DNER: variants seen among roughly 807,000 people sequenced by gnomAD.
DNER encodes delta/notch like EGF repeat containing.
A neutral mutation model predicts 78.2 loss-of-function variants in DNER; 33 were observed. The ratio of observed to expected loss-of-function variants is 0.42; its 90% CI spans 0.32 to 0.56. The LOEUF (loss-of-function observed/expected upper bound fraction) is 0.56, where lower values mean the gene tolerates loss of function less well. Ranked by LOEUF, DNER falls within the 20% of genes least tolerant of loss-of-function variation. DNER has a pLI of 0.11. For missense variants in DNER, 918 were observed against 975.3 expected, an observed-to-expected ratio of 0.94 and a Z score of 0.78; for synonymous variants, 417 against 384.8, an observed-to-expected ratio of 1.08 and a Z score of -0.98.
chr2:229,684,118 G>T (rs1699435195), intron 1 of DNER, among the ~76,000 whole-genome samples: 1 of 117,636 alleles, frequency 8.5e-6, no homozygotes, highest in African/African-American at 3.5e-5. Flanking sequence ...GTGTGTGTGT[G>T]TGTGTTTGTG....
chr2:229,515,018 A>AT (rs200416571), intron 5 of DNER, among the ~76,000 whole-genome samples: 13 of 152,262 alleles, frequency 8.5e-5, no homozygotes, highest in African/African-American at 1.7e-4. Flanking sequence ...AACAATTATA[A>AT]TTTTTTTTAA....
At chr2:229,630,386 G>C (rs561339627) in intron 1 of DNER, among the ~76,000 whole-genome samples, 1 of 151,862 alleles carries the variant, frequency 6.6e-6, no homozygotes, top group Non-Finnish European at 1.5e-5. Flanking sequence ...TGAGGCAGGA[G>C]AATTGCTTGA....
intron 7 of DNER, among the ~76,000 whole-genome samples, chr2:229,464,390 T>G (rs1368372364): frequency 6.6e-6 from 1 of 152,162 alleles, no homozygotes; most frequent in East Asian, 1.9e-4. Flanking sequence ...AAGTCAAAGT[T>G]AGATTTAAGA....
chr2:229,479,283 AC>A (rs1695103366), intron 6 of DNER, among the ~76,000 whole-genome samples: 1 of 152,318 alleles, frequency 6.6e-6, no homozygotes, highest in African/African-American at 2.4e-5. Flanking sequence ...GCCCTTTCAC[AC>A]AGTCCGCCTA....
intron 1 of DNER, among the ~76,000 whole-genome samples, chr2:229,674,443 T>C (rs1699267991): frequency 6.6e-6 from 1 of 152,198 alleles, no homozygotes; most frequent in African/African-American, 2.4e-5. Flanking sequence ...CACACCTGGC[T>C]GATTTTTGTA....
intron 1 of DNER, among the ~76,000 whole-genome samples, chr2:229,685,801 G>A (rs779351353): frequency 6.6e-5 from 10 of 152,138 alleles, no homozygotes; most frequent in South Asian, 6.2e-4. Flanking sequence ...TGCCTGTCAC[G>A]GTGTGGACAG....
rs1441464155 is a variant in DNER, at chr2:229,547,036, C to T, written c.904G>A (p.Val302Met). Reference sequence around the variant, plus strand: ...CCCGGCACACAGGTGCTGACCTTCACCACCAGAGTTAAGCGCAAAGCCACA... The same window carrying T: ...CCCGGCACACAGGTGCTGACCTTCATCACCAGAGTTAAGCGCAAAGCCACA... ...SIVALRLTLV[V>M]KVSTCVPGES... Residue 302 changes from valine (V) to methionine (M), a missense_variant, in exon 5 of 13, where the codon GTG (valine) becomes ATG (methionine). Physicochemically the swap from Val to Met is conservative, Grantham distance 21. Coordinates refer to ENST00000341772, the MANE Select transcript of DNER (RefSeq NM_139072.4). 1 of 1,614,052 alleles carries T rather than the reference C, an allele frequency of 6.2e-7. No homozygotes were observed.
intron 6 of DNER, among the ~76,000 whole-genome samples, chr2:229,500,700 G>A (rs998850947): frequency 2.0e-5 from 3 of 152,056 alleles, no homozygotes; most frequent in African/African-American, 7.2e-5. Context: ...AATACTATTT[G>A]GCCTTTTTTC....
chr2:229,433,577 C>T (rs191105354), intron 8 of DNER, among the ~76,000 whole-genome samples: 37 of 152,226 alleles, frequency 2.4e-4, no homozygotes, highest in African/African-American at 7.7e-4. Context: ...CATGCCTAAG[C>T]GGAATGAGGA....
chr2:229,387,995 C>T (rs990931321), intron 11 of DNER, among the ~76,000 whole-genome samples: 4 of 151,956 alleles, frequency 2.6e-5, no homozygotes, highest in African/African-American at 9.7e-5. Flanking sequence ...CTCTGGATGA[C>T]ATCTGAAAAT....
chr2:229,500,847 C>T lies in DNER; in HGVS notation c.1147+11936G>A, dbSNP rs570437394. ...ACTTGCAGTCTTTTATCTCTCACCCCCCTCCCGCCCTTTCCACCGAGTCCC... is the reference window on the plus strand; with the variant it reads ...ACTTGCAGTCTTTTATCTCTCACCCTCCTCCCGCCCTTTCCACCGAGTCCC... On this transcript the variant is annotated intron_variant, in intron 6 of 12. Transcript: ENST00000341772. Among the ~76,000 whole-genome samples the T allele has an allele frequency of 1.3e-3, 192 of 152,194 alleles. 1 individual carries two copies. The highest frequency in any genetic ancestry group is 3.5e-3 in the Admixed American group (53 of 15,288).
At chr2:229,379,629 T>C (rs146932398) in intron 11 of DNER, among the ~76,000 whole-genome samples, 145 of 152,322 alleles carry the variant, frequency 9.5e-4, no homozygotes, top group Non-Finnish European at 1.4e-3. Context: ...AAGTTATAAG[T>C]AGATATTACT....
chr2:229,615,944 C>T (rs1470605793), intron 1 of DNER, among the ~76,000 whole-genome samples: 3 of 152,256 alleles, frequency 2.0e-5, no homozygotes, highest in East Asian at 1.9e-4. Context: ...ATAAGGCCAG[C>T]GTGGCATGGA....
intron 5 of DNER, among the ~76,000 whole-genome samples, chr2:229,543,861 C>G (rs532161430): frequency 1.3e-5 from 2 of 152,270 alleles, no homozygotes; most frequent in East Asian, 3.9e-4. Flanking sequence ...TTGATGCCTG[C>G]TCTTTCTTCC....
At chr2:229,592,038 G>A in intron 1 of DNER, 150 bp from the exon 2 acceptor site, 4 of 1,100,022 alleles carry the variant, frequency 3.6e-6, no homozygotes, top group South Asian at 1.8e-5. Flanking sequence ...CTGTTGTGGG[G>A]TGGGGTGTAC....
chr2:229,390,277 A>G (rs999629984), intron 10 of DNER, among the ~76,000 whole-genome samples: 5 of 152,240 alleles, frequency 3.3e-5, no homozygotes, highest in Non-Finnish European at 7.3e-5. Context: ...CCCTACTGCT[A>G]TGGTCTGGCA....
chr2:229,648,790 T>A (rs1196037650), intron 1 of DNER, among the ~76,000 whole-genome samples: 1 of 152,216 alleles, frequency 6.6e-6, no homozygotes, highest in African/African-American at 2.4e-5. Flanking sequence ...CCTGACACAT[T>A]GTTTCTCTCT....
At chr2:229,662,569 T>G (rs79235392) in intron 1 of DNER, among the ~76,000 whole-genome samples, 1 of 152,120 alleles carries the variant, frequency 6.6e-6, no homozygotes, top group Non-Finnish European at 1.5e-5. Flanking sequence ...TTTCAACCAC[T>G]GCAAGCATGG....
chr2:229,389,077 C>T (rs893826936), intron 10 of DNER, among the ~76,000 whole-genome samples: 1 of 151,970 alleles, frequency 6.6e-6, no homozygotes, highest in African/African-American at 2.4e-5. Context: ...AAGGAGAGAA[C>T]TTGTGAAGTC....
Sources: allele counts gnomAD v4.1 joint callset (sites outside exome capture counted in the v4.1 genomes callset), GRCh38; gene constraint gnomAD v4.1.1; transcripts MANE v1.5; gene names NCBI Gene and HGNC (gene_info 2026-07-23, HGNC 2026-07-21).